Variants in SV2C observed in about 807,000 individuals in gnomAD.
SV2C encodes solute carrier family 22 member B3.
In SV2C, 49 loss-of-function variants were observed where a neutral mutation model predicts 79.7. That is an observed-to-expected ratio of 0.61 (90% CI 0.49 to 0.78). The LOEUF (loss-of-function observed/expected upper bound fraction) is 0.78. Among genes scored for constraint, SV2C ranks in the 30% least tolerant of loss-of-function variants. The pLI, the probability that SV2C is intolerant of heterozygous loss-of-function variation, is 0.00. For synonymous variants in SV2C, 334 were observed against 333.2 expected (o/e 1.00, Z -0.03); for missense variants, 833 against 912.9 (o/e 0.91, Z 1.13).
chr5:75,949,319 G>C, the SV2C span, among the ~76,000 whole-genome samples: 2 of 152,026 alleles, frequency 1.3e-5, no homozygotes, highest in African/African-American at 2.4e-5. Flanking sequence ...GAATGGACTA[G>C]TACACTGACT....
the SV2C span, among the ~76,000 whole-genome samples, chr5:75,927,915 G>T: frequency 6.6e-6 from 1 of 152,224 alleles, no homozygotes. Context: ...CCAAAGACCA[G>T]GAAGTGTGGT....
intron 4 of SV2C, among the ~76,000 whole-genome samples, chr5:76,266,066 C>T (rs745557957): frequency 1.3e-5 from 2 of 152,052 alleles, no homozygotes; most frequent in African/African-American, 2.4e-5. Flanking sequence ...AGGACTCTAC[C>T]TGCAGAAGGT....
the SV2C span, chr5:75,910,770 A>G: frequency 3.7e-6 from 5 of 1,354,028 alleles, no homozygotes; most frequent in Non-Finnish European, 4.2e-6. Context: ...CCTATTCTTT[A>G]TAACAGTCAT....
At chr5:75,908,738 C>A in the SV2C span, among the ~76,000 whole-genome samples, 10 of 152,180 alleles carry the variant, frequency 6.6e-5, no homozygotes, top group Non-Finnish European at 1.2e-4. Flanking sequence ...ATCATTAGTT[C>A]CTGTGTTGTC....
intron 12 of SV2C, among the ~76,000 whole-genome samples, chr5:76,324,105 C>T (rs1215940806): frequency 6.6e-6 from 1 of 152,014 alleles, no homozygotes; most frequent in East Asian, 1.9e-4. Context: ...TATATTGTTG[C>T]ACTTAACAAC....
the SV2C span, among the ~76,000 whole-genome samples, chr5:75,883,637 T>G: frequency 2.3e-5 from 3 of 130,894 alleles, no homozygotes; most frequent in Non-Finnish European, 4.6e-5. Flanking sequence ...AATTGAACAA[T>G]GAGAACACAT....
At chr5:75,914,557 G>A in the SV2C span, among the ~76,000 whole-genome samples, 1 of 152,194 alleles carries the variant, frequency 6.6e-6, no homozygotes, top group South Asian at 2.1e-4. Flanking sequence ...AGAGGGAATG[G>A]AGAGTGGTTG....
At chr5:75,869,806 CAG>C in the SV2C span, among the ~76,000 whole-genome samples, 1 of 152,158 alleles carries the variant, frequency 6.6e-6, no homozygotes, top group Non-Finnish European at 1.5e-5. Context: ...CAGCTCAAAA[CAG>C]AGAGAGAGAT....
chr5:75,931,522 G>A, the SV2C span, among the ~76,000 whole-genome samples: 1 of 152,152 alleles, frequency 6.6e-6, no homozygotes, highest in African/African-American at 2.4e-5. Context: ...TGGCAGTTTT[G>A]TTCCAAAAGA....
chr5:76,206,883 G>A (rs559950531), intron 3 of SV2C, among the ~76,000 whole-genome samples: 78 of 152,162 alleles, frequency 5.1e-4, no homozygotes, highest in Middle Eastern at 6.8e-3. Context: ...TTTATATATC[G>A]CTGAGTCTAA....
chr5:76,262,814 G>A lies in SV2C; in HGVS notation c.914-22348G>A, dbSNP rs917047807. On this transcript the variant is annotated intron_variant, in intron 4 of 12. Transcript: ENST00000502798. ...TGAGAGACTGACTGTTGTGATTTCC[G>A]TTCTTTTGCATTTGCTGAGGAGTGT... Among the ~76,000 whole-genome samples, 27 of 142,736 alleles carry A rather than the reference G, an allele frequency of 1.9e-4. 1 individual carries two copies. The highest frequency in any genetic ancestry group is 7.0e-3 in the Middle Eastern group (2 of 284). The allele number at this position is 142,736 out of a possible 152,430, so 93.6% of individuals were successfully genotyped here.
chr5:75,930,339 C>T, the SV2C span, among the ~76,000 whole-genome samples: 1 of 152,148 alleles, frequency 6.6e-6, no homozygotes, highest in Non-Finnish European at 1.5e-5. Flanking sequence ...CAGAAGTTAC[C>T]AATTGTAAAT....
chr5:76,291,928 T>C (rs1747580234), intron 8 of SV2C, 72 bp downstream of exon 8: 2 of 1,135,530 alleles, frequency 1.8e-6, no homozygotes, highest in Non-Finnish European at 2.6e-6. Flanking sequence ...CCATGCTGCT[T>C]TCTTTTCTGA....
intron 4 of SV2C, among the ~76,000 whole-genome samples, chr5:76,243,001 G>A (rs56221223): frequency 0.088 from 9,319 of 106,342 alleles, 1,087 homozygotes; most frequent in African/African-American, 0.29. Flanking sequence ...GCAACAGATC[G>A]AGACCCCATC....
intron 4 of SV2C, chr5:76,280,846 A>G (rs191868627): frequency 4.9e-6 from 2 of 409,456 alleles, no homozygotes; most frequent in East Asian, 1.4e-4. Context: ...GCCAGGCCGA[A>G]TTCAGTTTTT....
the SV2C span, among the ~76,000 whole-genome samples, chr5:76,077,366 G>A: frequency 6.6e-6 from 1 of 152,108 alleles, no homozygotes. Flanking sequence ...AAGAAAGGAA[G>A]GATGAACCAA....
chr5:75,954,102 A>G, the SV2C span, among the ~76,000 whole-genome samples: 3 of 152,126 alleles, frequency 2.0e-5, no homozygotes, highest in African/African-American at 4.8e-5. Context: ...ACACTGGAAC[A>G]TAATAATAAC....
the SV2C span, among the ~76,000 whole-genome samples, chr5:76,014,327 G>C: frequency 4.0e-5 from 6 of 151,746 alleles, no homozygotes; most frequent in African/African-American, 1.5e-4. Flanking sequence ...AAGAAAGAGA[G>C]AGAAAGAAAG....
At chr5:76,271,926 A>C (rs1305681251) in intron 4 of SV2C, among the ~76,000 whole-genome samples, 2 of 152,122 alleles carry the variant, frequency 1.3e-5, no homozygotes, top group Non-Finnish European at 2.9e-5. Context: ...AGGACCAGAA[A>C]TTAGAGCTCC....
Sources: gnomAD v4.1 joint callset for allele counts (sites outside exome capture counted in the v4.1 genomes callset) on GRCh38, gnomAD v4.1.1 for gene constraint, MANE v1.5 for transcripts, NCBI Gene and HGNC (gene_info 2026-07-23, HGNC 2026-07-21) for gene names.